CNTN3: variants seen among roughly 807,000 people sequenced by gnomAD.
CNTN3 encodes the protein contactin-3.
CNTN3 carries 60 observed loss-of-function variants against 119.1 expected under a neutral mutation model. The ratio of observed to expected loss-of-function variants is 0.50; its 90% confidence interval spans 0.41 to 0.62. CNTN3 has a LOEUF of 0.62. Ranked by LOEUF, CNTN3 falls within the 20% of genes least tolerant of loss-of-function variation. CNTN3 has a pLI of 0.00. For synonymous variants in CNTN3, 450 were observed against 438.7 expected, an observed-to-expected ratio of 1.03 and a Z score of -0.32; for missense variants, 1,101 against 1,242.4, an observed-to-expected ratio of 0.89 and a Z score of 1.71.
intron 1 of CNTN3, among the ~76,000 whole-genome samples, chr3:74,609,218 G>C (rs931248294): frequency 6.6e-6 from 1 of 152,176 alleles, no homozygotes; most frequent in African/African-American, 2.4e-5. Flanking sequence ...ATACAGACAG[G>C]CTGCATCAGT....
chr3:74,418,993 C>T (rs1430533180), intron 5 of CNTN3, among the ~76,000 whole-genome samples: 1 of 150,984 alleles, frequency 6.6e-6, no homozygotes, highest in South Asian at 2.1e-4. Flanking sequence ...GGGGCAGTTT[C>T]GCCATGTTGC....
At chr3:74,286,925 G>A (rs58098318) in intron 19 of CNTN3, among the ~76,000 whole-genome samples, 66,326 of 152,010 alleles carry the variant, frequency 0.44, 14,743 homozygotes, top group South Asian at 0.6. Context: ...CCAGCAGACA[G>A]CAGGAGGGAA....
chr3:74,266,769 C>T lies in CNTN3; in HGVS notation c.2818-120G>A, dbSNP rs138645524. On this transcript the variant is annotated intron_variant, in intron 21 of 22. Transcript: ENST00000263665. ...TCTATATCCACTAGAATGTAAGTTT[C>T]ATTCATGACTCTAATTGTAAGTCTT... is the stretch of plus-strand genomic sequence containing the variant. The T allele has an allele frequency of 2.6e-5, 21 of 793,942 alleles. No individual in the cohort carries two copies. The East Asian group carries it at 5.6e-4, about 21-fold the overall frequency. 49.2% of individuals were successfully genotyped at this position (793,942 alleles called of 1,614,324 possible). A position where few individuals can be genotyped will look rare whatever the true frequency, so the allele number is the denominator to read the frequency against.
chr3:74,598,511 G>C (rs1009612945), intron 1 of CNTN3, among the ~76,000 whole-genome samples: 1 of 152,170 alleles, frequency 6.6e-6, no homozygotes, highest in South Asian at 2.1e-4. Context: ...CCCAGGCTGA[G>C]TGCAGTGGCA....
At chr3:74,376,941 CAA>C (rs34459321) in intron 5 of CNTN3, among the ~76,000 whole-genome samples, 5,384 of 140,596 alleles carry the variant, frequency 0.038, 147 homozygotes, top group African/African-American at 0.092. Context: ...TGAACAGAGA[CAA>C]AAAAAAAAAA....
intron 1 of CNTN3, among the ~76,000 whole-genome samples, chr3:74,530,806 T>C (rs893763457): frequency 1.3e-5 from 2 of 151,778 alleles, no homozygotes; most frequent in Non-Finnish European, 2.9e-5. Context: ...AGGAAGTGGC[T>C]AGCTGGGGTG....
At chr3:74,343,920 C>T (rs1703611274) in intron 11 of CNTN3, among the ~76,000 whole-genome samples, 1 of 152,192 alleles carries the variant, frequency 6.6e-6, no homozygotes, top group Non-Finnish European at 1.5e-5. Flanking sequence ...TGGACTCTCC[C>T]TCTTCAGACT....
At position 74,282,203 on chromosome 3, in the gene CNTN3, T is replaced by A. The variant is rs17650360; in HGVS notation, c.2704+3102A>T. ...CTTCTAAAAAACACAAGTATTTGGA[T>A]ATCAAAAATTAAGTGTTTAATGGAA... On this transcript the variant is annotated intron_variant, in intron 20 of 22. Transcript: ENST00000263665. Among the ~76,000 whole-genome samples the A allele has an allele frequency of 7.5e-3, 1,144 of 152,286 alleles. 14 individuals carry two copies. Among genetic ancestry groups the A allele is most frequent in the Non-Finnish European group, 0.012 (842 of 68,028 alleles).
At chr3:74,536,252 C>A (rs1156332515) in intron 1 of CNTN3, among the ~76,000 whole-genome samples, 1 of 152,034 alleles carries the variant, frequency 6.6e-6, no homozygotes. Flanking sequence ...ATCTCCTTAG[C>A]CCTGTGTCAA....
chr3:74,302,500 G>A (rs965145957), intron 14 of CNTN3, among the ~76,000 whole-genome samples, 190 bp downstream of exon 14: 3 of 152,082 alleles, frequency 2.0e-5, no homozygotes, highest in African/African-American at 7.2e-5. Context: ...CTATTTGAAG[G>A]GCAGAGTTGA....
Position 74,264,464 on chromosome 3 carries a change from A to C in CNTN3, c.3024T>G (p.Asn1008Lys). The C allele has an allele frequency of 6.2e-7, 1 of 1,612,462 alleles. No homozygotes were observed. The highest frequency in any genetic ancestry group is 8.5e-7 in the Non-Finnish European group (1 of 1,178,868). The change falls in exon 23 of 23, where the codon AAT becomes AAG. Residue 1008 changes from asparagine to lysine, a missense_variant. Asn to Lys is a moderately conservative substitution (Grantham distance 94). Coordinates refer to ENST00000263665, the MANE Select transcript of CNTN3 (RefSeq NM_020872.3). ...GCATATAACTTGACATAGGGTGGAC[A>C]TTCGAGATGGCTGAAGTGGATCCTC... is the stretch of plus-strand genomic sequence containing the variant. ...DARGSTSAIS[N>K]VHPMSSYMPI...
intron 1 of CNTN3, among the ~76,000 whole-genome samples, chr3:74,595,712 G>A (rs2106695133): frequency 6.6e-6 from 1 of 152,194 alleles, no homozygotes; most frequent in South Asian, 2.1e-4. Context: ...AGCTATCTAT[G>A]ACAAACCCAC....
At chr3:74,578,088 A>G (rs1704446719) in intron 1 of CNTN3, among the ~76,000 whole-genome samples, 1 of 152,100 alleles carries the variant, frequency 6.6e-6, no homozygotes, top group Non-Finnish European at 1.5e-5. Flanking sequence ...ACGCTATTTA[A>G]TATTTATTAA....
At chr3:74,583,429 G>GA (rs750863013) in intron 1 of CNTN3, among the ~76,000 whole-genome samples, 8 of 151,954 alleles carry the variant, frequency 5.3e-5, no homozygotes, top group African/African-American at 1.9e-4. Context: ...AGATAAACCT[G>GA]AAAAATAGGA....
At chr3:74,290,979 C>A (rs1171061394) in intron 19 of CNTN3, among the ~76,000 whole-genome samples, 1 of 151,696 alleles carries the variant, frequency 6.6e-6, no homozygotes, top group Non-Finnish European at 1.5e-5. Flanking sequence ...ATACATGTGC[C>A]ATGTTGGTGT....
At chr3:74,289,535 TA>T (rs1273902924) in intron 19 of CNTN3, among the ~76,000 whole-genome samples, 1 of 152,176 alleles carries the variant, frequency 6.6e-6, no homozygotes, top group African/African-American at 2.4e-5. Flanking sequence ...CACTATATAT[TA>T]CTTCACTGGT....
At chr3:74,527,661 G>A (rs530103899) in intron 1 of CNTN3, among the ~76,000 whole-genome samples, 1 of 152,038 alleles carries the variant, frequency 6.6e-6, no homozygotes, top group Admixed American at 6.6e-5. Flanking sequence ...TAGATAACAT[G>A]TCAACACTTT....
At chr3:74,308,464 A>G (rs939456683) in intron 13 of CNTN3, among the ~76,000 whole-genome samples, 6 of 152,204 alleles carry the variant, frequency 3.9e-5, no homozygotes, top group Admixed American at 3.9e-4. Context: ...AGCTTGTTCC[A>G]TCATAAGTGT....
At chr3:74,520,970 G>A in intron 2 of CNTN3, 88 bp downstream of exon 2, 2 of 667,890 alleles carry the variant, frequency 3.0e-6, no homozygotes, top group South Asian at 3.1e-5. Context: ...TACTGGTGGA[G>A]TTTTATTTCA....
Sources: gnomAD v4.1 joint callset for allele counts (sites outside exome capture counted in the v4.1 genomes callset) on GRCh38, gnomAD v4.1.1 for gene constraint, MANE v1.5 for transcripts, NCBI Gene and HGNC (gene_info 2026-07-23, HGNC 2026-07-21) for gene names.